Variants in ITIH4 observed in about 807,000 individuals in gnomAD.
ITIH4 encodes the protein inter-alpha-trypsin inhibitor heavy chain 4.
Under a neutral mutation model 111.8 loss-of-function variants are expected in ITIH4, and 79 were observed. The observed-to-expected ratio is 0.71, with a 90% confidence interval of 0.59 to 0.85. The LOEUF (loss-of-function observed/expected upper bound fraction) is 0.85. Among genes scored for constraint, ITIH4 ranks in the 40% least tolerant of loss-of-function variants. ITIH4 has a pLI of 0.00. For synonymous variants in ITIH4, 472 were observed against 468.3 expected (o/e 1.01, Z -0.10); for missense variants, 1,065 against 1,195.8 (o/e 0.89, Z 1.61).
At position 52,828,995 on chromosome 3, in the gene ITIH4, GGTGTACT is replaced by G; in HGVS notation, c.251+117_251+123del. The G allele has an allele frequency of 4.8e-6, 4 of 827,110 alleles. No homozygotes were observed. In the South Asian group the frequency reaches 9.5e-5, roughly 20 times the overall value. 51.2% of individuals were successfully genotyped at this position (827,110 alleles called of 1,614,324 possible). On this transcript the variant is annotated intron_variant, in intron 2 of 23. Transcript: ENST00000266041. ...TGTTCCTGTGTGGCCCCAGGTGCAG[GGTGTACT>G]CCTGAAGATGTACACCCTGGCATGC...
At chr3:52,816,567 A>G (rs1700280343) in intron 21 of ITIH4, among the ~76,000 whole-genome samples, 1 of 152,064 alleles carries the variant, frequency 6.6e-6, no homozygotes, top group African/African-American at 2.4e-5. Flanking sequence ...GATGATTAGT[A>G]CTGGTTATTG....
chr3:52,819,662 C>A (rs1239387468), intron 16 of ITIH4, 92 bp downstream of exon 16: 1 of 1,577,306 alleles, frequency 6.3e-7, no homozygotes, highest in Non-Finnish European at 8.7e-7. Flanking sequence ...GGAGCCTCTC[C>A]CCCAACAGCT....
intron 15 of ITIH4, 51 bp from the exon 16 acceptor site, chr3:52,819,843 G>A (rs1216363074): frequency 1.9e-6 from 3 of 1,610,102 alleles, no homozygotes; most frequent in Non-Finnish European, 1.7e-6. Flanking sequence ...CCCGAGGGCT[G>A]TCACCAGCCA....
At chr3:52,819,600 T>G (rs1316289005) in intron 16 of ITIH4, 82 bp from the exon 17 acceptor site, 1 of 1,599,640 alleles carries the variant, frequency 6.3e-7, no homozygotes, top group African/African-American at 1.3e-5. Context: ...CACCCAGGAG[T>G]GGGTGCGGAG....
chr3:52,818,276 G>T lies in ITIH4; in HGVS notation c.2160C>A (p.Thr720=). The T allele has an allele frequency of 6.3e-7, 1 of 1,578,896 alleles. No individual in the cohort carries two copies. Among genetic ancestry groups the T allele is most frequent in the East Asian group, 2.2e-5 (1 of 44,630 alleles). The change falls in exon 19 of 24, where the codon ACC becomes ACA. Residue 720 remains threonine (T), a synonymous_variant. Coordinates refer to ENST00000266041, the MANE Select transcript of ITIH4 (RefSeq NM_002218.5). ...RVMNMKIEET[T]MTTQTPAPIQ... ...ACTTACCTGGGGTTTGGGTTGTCATGGTTGTTTCTAAAAGAAGAAAAAGTC... is the reference window on the plus strand; with the variant it reads ...ACTTACCTGGGGTTTGGGTTGTCATTGTTGTTTCTAAAAGAAGAAAAAGTC...
chr3:52,814,113 G>A, intron 22 of ITIH4, 42 bp from the exon 23 acceptor site: 1 of 1,608,316 alleles, frequency 6.2e-7, no homozygotes, highest in Non-Finnish European at 8.5e-7. Flanking sequence ...AGAGACAGAG[G>A]AAGCCTGGGA....
At position 52,824,562 on chromosome 3, in the gene ITIH4, G is replaced by A. The variant is rs376922475; in HGVS notation, c.880C>T (p.Arg294Trp). ...SMSGRKIQQT[R>W]EALIKILDDL... The stretch of plus-strand genomic sequence containing the variant: ...TCCAGGATCTTGATTAGGGCTTCCC[G>A]GGTCTGGTCAGGGAGAGGAAACATA... The change falls in exon 8 of 24, where the codon CGG becomes TGG. Residue 294 changes from arginine to tryptophan, a missense_variant. Arg to Trp is a moderately radical substitution (Grantham distance 101). Coordinates refer to ENST00000266041, the MANE Select transcript of ITIH4 (RefSeq NM_002218.5). The surrounding 1 kb of genome is among the most constrained non-coding windows in gnomAD (Gnocchi z 4.3). 92 of 1,610,548 alleles carry A rather than the reference G, an allele frequency of 5.7e-5. No homozygotes were observed. In the East Asian group the frequency reaches 1.3e-3, roughly 22 times the overall value.
At position 52,814,022 on chromosome 3, in the gene ITIH4, G is replaced by A. The variant is rs750458578; in HGVS notation, c.2676C>T (p.Asp892=). Residue 892 remains aspartate, a synonymous_variant, in exon 23 of 24, where the codon GAC becomes GAT. Coordinates refer to ENST00000266041, the MANE Select transcript of ITIH4 (RefSeq NM_002218.5). ...VLWGSPAASD[D]GRRTLRVQGN... is the part of the protein sequence containing the mutation. ...CCTGAACCCTCAGCGTGCGTCTGCC[G>A]TCATCTGATGCTGCTGGAGATCCCC... is the stretch of plus-strand genomic sequence containing the variant. 75 of 1,613,714 alleles carry A rather than the reference G, an allele frequency of 4.6e-5. No homozygotes were observed. The Middle Eastern group carries it at 6.6e-4, about 14-fold the overall frequency.
chr3:52,820,011 G>A (rs771631154), intron 14 of ITIH4, 21 bp from the exon 15 acceptor site: 2 of 1,613,614 alleles, frequency 1.2e-6, no homozygotes, highest in East Asian at 2.2e-5. Flanking sequence ...GTGGGACCTG[G>A]GTTTGCATCT....
rs1368142449 is a variant in ITIH4, at chr3:52,825,890, A to C, written c.755T>G (p.Ile252Ser). The change falls in exon 6 of 24, where the codon ATT (isoleucine) becomes AGT (serine). Residue 252 changes from isoleucine (I) to serine (S), a missense_variant. Ile to Ser is a moderately radical substitution (Grantham distance 142). Transcript: ENST00000266041. ...TCTTGCCTGAAGTCCACCCACCTGAATGGAGCCCCCGGAGATGGCCCGGTC... is the reference window on the plus strand; with the variant it reads ...TCTTGCCTGAAGTCCACCCACCTGACTGGAGCCCCCGGAGATGGCCCGGTC... ...DVDRAISGGS[I>S]QIENGYFVHY... The C allele has an allele frequency of 1.9e-6, 3 of 1,613,586 alleles. No individual in the cohort carries two copies. The highest frequency in any genetic ancestry group is 2.2e-5 in the South Asian group (2 of 91,000).
Position 52,824,927 on chromosome 3 carries a change from G to A in ITIH4, c.791C>T (p.Ala264Val). The A allele has an allele frequency of 1.2e-6, 2 of 1,613,670 alleles. No homozygotes were observed. Among genetic ancestry groups the A allele is most frequent in the African/African-American group, 1.3e-5 (1 of 75,030 alleles). The change falls in exon 7 of 24, where the codon GCC becomes GTC. Residue 264 changes from alanine (A) to valine (V), a missense_variant. Ala to Val is a moderately conservative substitution (Grantham distance 64, BLOSUM62 0). Transcript: ENST00000266041. The surrounding 1 kb of genome is among the most constrained non-coding windows in gnomAD (Gnocchi z 4.3). ...IENGYFVHYF[A>V]PEGLTTMPKN... Reference sequence around the variant, plus strand: ...GGGCATTGTGGTTAGGCCCTCGGGGGCAAAGTAGTGTACAAAGTAGCCGTT... The same window carrying A: ...GGGCATTGTGGTTAGGCCCTCGGGGACAAAGTAGTGTACAAAGTAGCCGTT...
chr3:52,824,124 G>A lies in ITIH4; in HGVS notation c.1171+66C>T. 6.3e-7 allele frequency: 1 copy of A among 1,592,288 alleles called. No homozygotes were observed. Among genetic ancestry groups the A allele is most frequent in the South Asian group, 1.1e-5 (1 of 89,666 alleles). On this transcript the variant is annotated intron_variant, in intron 9 of 23. Transcript: ENST00000266041. The surrounding 1 kb of genome is among the most constrained non-coding windows in gnomAD (Gnocchi z 4.3). ...TCTCCCTGCCCAGATCCCACAGCAA[G>A]CCCAGGTGCAGCCCCAGCCGCCTCC...
Position 52,813,193 on chromosome 3 carries a change from A to G in ITIH4, c.*228T>C. On this transcript the variant is annotated 3_prime_UTR_variant, in exon 24 of 24. Transcript: ENST00000266041. ...TGGCCATGGGCTCTTGAGAGCTGACAGTGGAAGCTTCTGTGTTCCACGATG... is the reference window on the plus strand; with the variant it reads ...TGGCCATGGGCTCTTGAGAGCTGACGGTGGAAGCTTCTGTGTTCCACGATG... 2 of 537,244 alleles carry G rather than the reference A, an allele frequency of 3.7e-6. No individual in the cohort carries two copies. Among genetic ancestry groups the G allele is most frequent in the South Asian group, 5.0e-5 (2 of 39,614 alleles). 33.3% of individuals were successfully genotyped at this position (537,244 alleles called of 1,614,324 possible).
In ITIH4 at chr3:52,824,496, T is replaced by C; in HGVS notation, c.946A>G (p.Ser316Gly). The C allele has an allele frequency of 6.2e-7, 1 of 1,614,160 alleles. No individual in the cohort carries two copies. The highest frequency in any genetic ancestry group is 8.5e-7 in the Non-Finnish European group (1 of 1,180,030). ...PRDQFNLIVF[S>G]TEATQWRPSL... is the part of the protein sequence containing the mutation. ...GGCCTCCACTGAGTTGCTTCTGTACTGAAGACGATGAGGTTGAACTGGTCT... is the reference window on the plus strand; with the variant it reads ...GGCCTCCACTGAGTTGCTTCTGTACCGAAGACGATGAGGTTGAACTGGTCT... The change falls in exon 8 of 24, where the codon AGT becomes GGT. Residue 316 changes from serine to glycine, a missense_variant. By Grantham distance (56) the Ser-to-Gly change is moderately conservative (BLOSUM62 0). Transcript: ENST00000266041. The surrounding 1 kb of genome is among the most constrained non-coding windows in gnomAD (Gnocchi z 4.3).
rs373245861 is a variant in ITIH4 at position 52,818,428 on chromosome 3, CCT to C, written c.2152+32_2152+33del. ...CAGGTCACTCCCCTCCCAGGATCCC[CCT>C]GTTAGGACAGGGCCTCTGGCCTTGG... On this transcript the variant is annotated intron_variant, in intron 18 of 23. Coordinates refer to ENST00000266041, the MANE Select transcript of ITIH4 (RefSeq NM_002218.5). 1.5e-3 allele frequency: 2,349 copies of C among 1,587,790 alleles called. 10 individuals are homozygous for C. The highest frequency in any genetic ancestry group is 7.8e-3 in the East Asian group (340 of 43,700).
In ITIH4 at chr3:52,830,471, C is replaced by G. The variant is rs1177903425; in HGVS notation, c.90+82G>C. The G allele has an allele frequency of 2.3e-6, 3 of 1,320,828 alleles. No homozygotes were observed. In the Admixed American group the frequency reaches 5.0e-5, roughly 22 times the overall value. The allele number at this position is 1,320,828 out of a possible 1,614,324, so 81.8% of individuals were successfully genotyped here. A position where few individuals can be genotyped will look rare whatever the true frequency, so the allele number is the denominator to read the frequency against. ...ATGCACACGCACTTGTGCTGACACG[C>G]TGGCACATGCGGAGGCTCTTCCCCA... is the stretch of plus-strand genomic sequence containing the variant. On this transcript the variant is annotated intron_variant, in intron 1 of 23. Coordinates refer to ENST00000266041, the MANE Select transcript of ITIH4 (RefSeq NM_002218.5).
chr3:52,813,848 A>G (rs1700230310), intron 23 of ITIH4, 127 bp downstream of exon 23: 1 of 750,036 alleles, frequency 1.3e-6, no homozygotes, highest in East Asian at 2.7e-5. Flanking sequence ...TACAGCATCA[A>G]CCTTCCACCG....
rs909685445 is a variant in ITIH4 at position 52,826,667 on chromosome 3, G to A, written c.520-16C>T. ...GAATGTCCATCTGGAGGCAAGATGT[G>A]GGTCCCTGGGTCAGCCAGGAGCCTG... On this transcript the variant is annotated splice_polypyrimidine_tract_variant and intron_variant, in intron 4 of 23. Coordinates refer to ENST00000266041, the MANE Select transcript of ITIH4 (RefSeq NM_002218.5). 7 of 1,611,654 alleles carry A rather than the reference G, an allele frequency of 4.3e-6. No homozygotes were observed. The highest frequency in any genetic ancestry group is 5.9e-6 in the Non-Finnish European group (7 of 1,177,922).
chr3:52,825,166 C>T (rs2535636), intron 6 of ITIH4: 21,627 of 393,852 alleles, frequency 0.055, 3,425 homozygotes, highest in African/African-American at 0.35. Flanking sequence ...CATAGCCCAC[C>T]AGAACTCTCC....
Sources: gnomAD v4.1 joint callset for allele counts (sites outside exome capture counted in the v4.1 genomes callset) on GRCh38, gnomAD v4.1.1 for gene constraint, Gnocchi (gnomAD v3.1) non-coding constraint, MANE v1.5 for transcripts, NCBI Gene and HGNC (gene_info 2026-07-23, HGNC 2026-07-21) for gene names.